CELF2: variants seen among roughly 807,000 people sequenced by gnomAD.
CELF2 encodes CUGBP Elav-like family member 2, also known as CUG triplet repeat RNA-binding protein 2.
In CELF2, 8 loss-of-function variants were observed where a neutral mutation model predicts 62.6. That is an observed-to-expected ratio of 0.13 (90% CI 0.07 to 0.23). The LOEUF (loss-of-function observed/expected upper bound fraction) is 0.23, where lower values mean the gene tolerates loss of function less well. Ranked by LOEUF, CELF2 falls within the 10% of genes least tolerant of loss-of-function variation. CELF2 has a pLI of 1.00. For synonymous variants in CELF2, 258 were observed against 250.0 expected (o/e 1.03, Z -0.30); for missense variants, 333 against 671.0 (o/e 0.50, Z 5.56).
intron 1 of CELF2, among the ~76,000 whole-genome samples, chr10:10,906,428 C>A (rs932626339): frequency 1.7e-4 from 26 of 152,318 alleles, no homozygotes; most frequent in Non-Finnish European, 3.4e-4. Context: ...AGCACCCAAG[C>A]TGCTGCCCTC....
intron 1 of CELF2, chr10:11,074,890 C>G (rs1429266967): frequency 1.3e-5 from 2 of 152,164 alleles, no homozygotes; most frequent in Non-Finnish European, 2.9e-5. Context: ...ATATCTAAAG[C>G]AAATGAATTT....
intron 1 of CELF2, among the ~76,000 whole-genome samples, chr10:11,122,895 T>C (rs1440689483): frequency 1.3e-5 from 2 of 152,096 alleles, no homozygotes; most frequent in African/African-American, 2.4e-5. Flanking sequence ...TGGTCTACCA[T>C]AGAGTGGGGC....
chr10:10,976,472 T>C (rs1258420847), intron 2 of CELF2, among the ~76,000 whole-genome samples: 2 of 152,136 alleles, frequency 1.3e-5, no homozygotes, highest in Non-Finnish European at 2.9e-5. Context: ...TCAGGCTTGG[T>C]CTTTTTTTTT....
At chr10:10,518,807 G>T in the CELF2 span, among the ~76,000 whole-genome samples, 1 of 152,056 alleles carries the variant, frequency 6.6e-6, no homozygotes, top group Non-Finnish European at 1.5e-5. Context: ...GCTTCCAAAA[G>T]TGCAGAGGAG....
intron 1 of CELF2, among the ~76,000 whole-genome samples, chr10:10,875,699 T>A (rs1214959064): frequency 4.7e-5 from 7 of 150,162 alleles, no homozygotes; most frequent in Non-Finnish European, 1.0e-4. Flanking sequence ...TAGAAAAGAA[T>A]CTGCATTTTT....
intron 1 of CELF2, among the ~76,000 whole-genome samples, chr10:11,064,418 C>T (rs1181836725): frequency 6.6e-6 from 1 of 152,136 alleles, no homozygotes; most frequent in East Asian, 1.9e-4. Flanking sequence ...ATGAAAGAAA[C>T]AATACATTGC....
chr10:10,511,558 T>G, the CELF2 span, among the ~76,000 whole-genome samples: 1 of 152,168 alleles, frequency 6.6e-6, no homozygotes, highest in Non-Finnish European at 1.5e-5. Context: ...CAGATAATGA[T>G]AGTTAAGTAA....
At position 11,330,310 on chromosome 10, in the gene CELF2, T is replaced by TAAGA. The variant is rs908280418; in HGVS notation, c.*1260_*1263dup. The TAAGA allele has an allele frequency of 6.5e-6, 1 of 152,746 alleles. No homozygotes were observed. Among genetic ancestry groups the TAAGA allele is most frequent in the East Asian group, 1.9e-4 (1 of 5,192 alleles). The allele number at this position is 152,746 out of a possible 1,614,324, so 9.5% of individuals were successfully genotyped here. ...TTCATTGTGCTGTGGATAAGGAGTG[T>TAAGA]AAGAAATGCAAATTATGTGAATGGC... On this transcript the variant is annotated 3_prime_UTR_variant, in exon 13 of 13. Coordinates refer to ENST00000633077, the MANE Select transcript of CELF2 (RefSeq NM_001326342.2). This position sits in a 1 kb window ranked among gnomAD's most constrained non-coding sequence, Gnocchi z 4.5.
intron 2 of CELF2, among the ~76,000 whole-genome samples, chr10:11,203,668 C>T (rs952245399): frequency 5.3e-5 from 8 of 152,244 alleles, no homozygotes; most frequent in East Asian, 1.9e-4. Flanking sequence ...TTCTGTCTTC[C>T]GTCTGGCATT....
At chr10:11,293,244 C>T (rs2092749622) in intron 9 of CELF2, among the ~76,000 whole-genome samples, 1 of 152,252 alleles carries the variant, frequency 6.6e-6, no homozygotes, top group African/African-American at 2.4e-5. Flanking sequence ...TGTTGCAGTG[C>T]TCATTCTTGA....
intron 2 of CELF2, among the ~76,000 whole-genome samples, chr10:11,210,019 AT>A (rs927441466): frequency 1.2e-4 from 18 of 152,218 alleles, no homozygotes; most frequent in African/African-American, 3.6e-4. Flanking sequence ...GGAAAAAAAA[AT>A]AGCGGGTTCA....
In CELF2 at chr10:10,990,415, T is replaced by A. The variant is rs1387508938; in HGVS notation, c.89+70416T>A. 6.6e-6 allele frequency among the ~76,000 whole-genome samples: 1 copy of A among 152,000 alleles called. No homozygotes were observed. Among genetic ancestry groups the A allele is most frequent in the Non-Finnish European group, 1.5e-5 (1 of 67,962 alleles). On this transcript the variant is annotated intron_variant, in intron 2 of 13. Transcript: ENST00000636488. The surrounding 1 kb of genome is among the most constrained non-coding windows in gnomAD (Gnocchi z 4.6). ...CTAGTGAGATTGAGGTGTAGATAAT[T>A]TTTCTTCTTTATACTTATCTGTGTT...
At chr10:10,877,712 G>A (rs1485710066) in intron 1 of CELF2, among the ~76,000 whole-genome samples, 2 of 152,354 alleles carry the variant, frequency 1.3e-5, no homozygotes, top group African/African-American at 4.8e-5. Context: ...TGATAAGGCT[G>A]TAAGATAATG....
the CELF2 span, among the ~76,000 whole-genome samples, chr10:10,532,366 T>G: frequency 3.3e-5 from 5 of 152,352 alleles, no homozygotes; most frequent in African/African-American, 4.8e-5. Context: ...AGGAACAGAT[T>G]GACTTGGCAT....
At chr10:10,970,491 G>A (rs2050646330) in intron 2 of CELF2, among the ~76,000 whole-genome samples, 1 of 152,174 alleles carries the variant, frequency 6.6e-6, no homozygotes, top group African/African-American at 2.4e-5. Context: ...AATGTCCTTT[G>A]GATGCATCTA....
Position 10,973,440 on chromosome 10 carries a change from C to A in CELF2, c.89+53441C>A, listed in dbSNP as rs1279248303. Among the ~76,000 whole-genome samples, 4 of 152,150 alleles carry A rather than the reference C, an allele frequency of 2.6e-5. No homozygotes were observed. The East Asian group carries it at 7.7e-4, about 29-fold the overall frequency. On this transcript the variant is annotated intron_variant, in intron 2 of 13. Coordinates refer to the CELF2 transcript ENST00000636488. ...TTTGTGGCATTTTTAGAGTGTTATA[C>A]CCCTCACGCCCACCCATGCCAGGTT...
intron 2 of CELF2, among the ~76,000 whole-genome samples, chr10:11,186,281 C>A (rs1017733848): frequency 4.2e-5 from 6 of 142,240 alleles, no homozygotes; most frequent in Admixed American, 1.4e-4. Flanking sequence ...AAAGAACTAG[C>A]CTTTGGTTTT....
Position 11,324,992 on chromosome 10 carries a change from C to T in CELF2, c.1295-844C>T, listed in dbSNP as rs186719250. Reference sequence around the variant, plus strand: ...AGCTCATATTTATGCCCTTTTGTGCCGCTTTTAACTTTCACATGGTGCTCA... The same window carrying T: ...AGCTCATATTTATGCCCTTTTGTGCTGCTTTTAACTTTCACATGGTGCTCA... On this transcript the variant is annotated intron_variant, in intron 11 of 12. Coordinates refer to ENST00000633077, the MANE Select transcript of CELF2 (RefSeq NM_001326342.2). The surrounding 1 kb of genome is among the most constrained non-coding windows in gnomAD (Gnocchi z 4.7). Among the ~76,000 whole-genome samples the T allele has an allele frequency of 6.6e-6, 1 of 152,164 alleles. No individual in the cohort carries two copies. The highest frequency in any genetic ancestry group is 1.5e-5 in the Non-Finnish European group (1 of 68,032).
chr10:11,144,465 C>T (rs771868977), intron 1 of CELF2, among the ~76,000 whole-genome samples: 2 of 152,064 alleles, frequency 1.3e-5, no homozygotes, highest in African/African-American at 2.4e-5. Flanking sequence ...AATTATCGTG[C>T]TTATTTAACT....
Sources: allele counts gnomAD v4.1 joint callset (sites outside exome capture counted in the v4.1 genomes callset), GRCh38; gene constraint gnomAD v4.1.1; non-coding constraint Gnocchi (gnomAD v3.1); transcripts MANE v1.5; gene names NCBI Gene and HGNC (gene_info 2026-07-23, HGNC 2026-07-21).